The following HCRTR2 variants were observed in gnomAD, a reference collection of about 807,000 sequenced individuals.
HCRTR2 encodes orexin receptor type 2.
A neutral mutation model predicts 49.0 loss-of-function variants in HCRTR2; 22 were observed. The ratio of observed to expected loss-of-function variants is 0.45; its 90% confidence interval spans 0.32 to 0.64. The LOEUF is 0.64. Ranked by LOEUF, HCRTR2 falls within the 30% of genes least tolerant of loss-of-function variation. The pLI is 0.04. For missense variants in HCRTR2, 491 were observed against 559.4 expected, an observed-to-expected ratio of 0.88 and a Z score of 1.23; for synonymous variants, 236 against 205.3, an observed-to-expected ratio of 1.15 and a Z score of -1.28.
chr6:55,148,260 G>T (rs754194183), intron 1 of HCRTR2, among the ~76,000 whole-genome samples: 1 of 152,008 alleles, frequency 6.6e-6, no homozygotes, highest in African/African-American at 2.4e-5. Context: ...GTGTGTGTGT[G>T]TGTTTCTACT....
At chr6:55,244,966 C>G (rs1766403340) in intron 1 of HCRTR2, among the ~76,000 whole-genome samples, 1 of 151,844 alleles carries the variant, frequency 6.6e-6, no homozygotes, top group African/African-American at 2.4e-5. Flanking sequence ...AGATAAATTG[C>G]CTGTAGGTAT....
rs1765122461 is a variant in HCRTR2, at chr6:55,180,940, C to T, written c.223+6130C>T. 2.6e-5 allele frequency among the ~76,000 whole-genome samples: 4 copies of T among 151,356 alleles called. No homozygotes were observed. The South Asian group carries it at 8.4e-4, about 32-fold the overall frequency. On this transcript the variant is annotated intron_variant, in intron 1 of 6. Coordinates refer to ENST00000370862, the MANE Select transcript of HCRTR2 (RefSeq NM_001384272.1). Reference sequence around the variant, plus strand: ...TCAGCCTCCCCAGTAGCTGGGATTACAGGCACATGCCACCATGCCCAGCTA... The same window carrying T: ...TCAGCCTCCCCAGTAGCTGGGATTATAGGCACATGCCACCATGCCCAGCTA...
chr6:55,214,640 C>CTGTTT (rs1765756718), intron 1 of HCRTR2, among the ~76,000 whole-genome samples: 1 of 151,838 alleles, frequency 6.6e-6, no homozygotes, highest in African/African-American at 2.4e-5. Context: ...CATGCCTGAC[C>CTGTTT]TGTTTTGTTT....
intron 1 of HCRTR2, among the ~76,000 whole-genome samples, chr6:55,155,426 T>C (rs1169640913): frequency 6.6e-6 from 1 of 152,006 alleles, no homozygotes; most frequent in Non-Finnish European, 1.5e-5. Flanking sequence ...ATTTAAATAG[T>C]GTGTTACATA....
chr6:55,148,739 C>T (rs1282152495), intron 1 of HCRTR2, among the ~76,000 whole-genome samples: 6 of 152,196 alleles, frequency 3.9e-5, no homozygotes, highest in Admixed American at 3.9e-4. Flanking sequence ...AACATCAGAT[C>T]ATGGCTGGGA....
chr6:55,124,924 C>A (rs1338791244), intron 1 of HCRTR2, among the ~76,000 whole-genome samples: 2 of 146,972 alleles, frequency 1.4e-5, no homozygotes, highest in African/African-American at 4.9e-5. Context: ...ATTAGGATAC[C>A]AACTCCTGCT....
chr6:55,118,093 A>C (rs532257303), intron 1 of HCRTR2, among the ~76,000 whole-genome samples: 24 of 151,642 alleles, frequency 1.6e-4, no homozygotes, highest in African/African-American at 5.8e-4. Flanking sequence ...TGTGTTCCCC[A>C]ATATGCGTCC....
rs150271876 is a variant in HCRTR2, at chr6:55,152,704, C to T, written c.-377-21507C>T. ...GCAAGAGAGCTCTCTGAAGTCCCTT[C>T]GAAAAGTAAAATAATCCCATTCACA... On this transcript the variant is annotated intron_variant, in intron 1 of 7. Coordinates refer to the HCRTR2 transcript ENST00000615358. 1.7e-3 allele frequency among the ~76,000 whole-genome samples: 262 copies of T among 151,954 alleles called. 1 individual carries two copies. Among genetic ancestry groups the T allele is most frequent in the African/African-American group, 5.7e-3 (236 of 41,484 alleles).
intron 1 of HCRTR2, among the ~76,000 whole-genome samples, chr6:55,107,115 T>G (rs2127609682): frequency 6.6e-6 from 1 of 152,308 alleles, no homozygotes; most frequent in Admixed American, 6.5e-5. Flanking sequence ...TGTCATTTTC[T>G]TACTTTCCGT....
At chr6:55,122,255 G>T (rs1358326806) in intron 1 of HCRTR2, among the ~76,000 whole-genome samples, 2 of 152,146 alleles carry the variant, frequency 1.3e-5, no homozygotes, top group South Asian at 2.1e-4. Flanking sequence ...TTGCATAGAG[G>T]TGTTTATGGT....
chr6:55,151,753 C>CA (rs1338335837), intron 1 of HCRTR2, among the ~76,000 whole-genome samples: 1 of 151,824 alleles, frequency 6.6e-6, no homozygotes, highest in Admixed American at 6.6e-5. Flanking sequence ...TCAGGGAAAT[C>CA]ACTATCTATG....
downstream of HCRTR2, among the ~76,000 whole-genome samples, chr6:55,283,100 A>T (rs1205359504): frequency 6.6e-6 from 1 of 152,236 alleles, no homozygotes; most frequent in Non-Finnish European, 1.5e-5. Context: ...TATCACAGTA[A>T]AAGTTTTAAC....
At chr6:55,259,762 T>C (rs960977431) in intron 3 of HCRTR2, among the ~76,000 whole-genome samples, 8 of 152,040 alleles carry the variant, frequency 5.3e-5, no homozygotes, top group African/African-American at 1.9e-4. Context: ...TAAATTAAAG[T>C]AATGCTTATG....
intron 3 of HCRTR2, among the ~76,000 whole-genome samples, chr6:55,259,274 G>A (rs1271865386): frequency 1.3e-5 from 2 of 151,640 alleles, no homozygotes; most frequent in African/African-American, 2.4e-5. Context: ...ATGGCATCTG[G>A]CCTATTATGA....
intron 1 of HCRTR2, among the ~76,000 whole-genome samples, chr6:55,136,296 C>T (rs143186269): frequency 6.6e-6 from 1 of 152,222 alleles, no homozygotes; most frequent in East Asian, 1.9e-4. Context: ...ATGCCTGATT[C>T]TAAACCTTGA....
intron 1 of HCRTR2, among the ~76,000 whole-genome samples, chr6:55,128,998 C>T (rs571930074): frequency 3.3e-5 from 5 of 152,110 alleles, no homozygotes; most frequent in African/African-American, 7.2e-5. Flanking sequence ...ACATTTTTGG[C>T]TTCTCCTGGT....
At chr6:55,179,651 T>C (rs968682892) in intron 1 of HCRTR2, among the ~76,000 whole-genome samples, 35 of 152,152 alleles carry the variant, frequency 2.3e-4, no homozygotes, top group Non-Finnish European at 4.4e-4. Context: ...ATTTGGGAAA[T>C]GGGATAATTA....
intron 3 of HCRTR2, among the ~76,000 whole-genome samples, chr6:55,260,130 G>C (rs879671836): frequency 2.6e-5 from 4 of 151,912 alleles, no homozygotes; most frequent in Non-Finnish European, 4.4e-5. Flanking sequence ...TATTCAAAAC[G>C]CCAAACTGTT....
intron 1 of HCRTR2, among the ~76,000 whole-genome samples, chr6:55,182,669 C>T (rs1765152847): frequency 6.6e-6 from 1 of 152,184 alleles, no homozygotes; most frequent in Non-Finnish European, 1.5e-5. Flanking sequence ...GATTCCTGAC[C>T]ATTCAGAAGC....
Sources: gnomAD v4.1 joint callset for allele counts (sites outside exome capture counted in the v4.1 genomes callset) on GRCh38, gnomAD v4.1.1 for gene constraint, MANE v1.5 for transcripts, NCBI Gene and HGNC (gene_info 2026-07-23, HGNC 2026-07-21) for gene names.